Variants in KRT222 observed in about 807,000 individuals in gnomAD.
KRT222 encodes the protein keratin 222.
A neutral mutation model predicts 35.0 loss-of-function variants in KRT222; 23 were observed. The ratio of observed to expected loss-of-function variants is 0.66; its 90% CI spans 0.47 to 0.93. The LOEUF (loss-of-function observed/expected upper bound fraction) is 0.93. Ranked by LOEUF, KRT222 falls within the 40% of genes least tolerant of loss-of-function variation. The probability of loss-of-function intolerance (pLI) is 0.00; values close to 1 mark genes in which losing one functional copy is unlikely to be tolerated. For missense variants in KRT222, 339 were observed against 346.3 expected, an observed-to-expected ratio of 0.98 and a Z score of 0.17; for synonymous variants, 108 against 118.8, an observed-to-expected ratio of 0.91 and a Z score of 0.59.
At chr17:40,659,139 GTCTC>G (rs34880856) in intron 3 of KRT222, among the ~76,000 whole-genome samples, 1 of 71,050 alleles carries the variant, frequency 1.4e-5, no homozygotes, top group Non-Finnish European at 4.2e-5. Context: ...GTTAGGAAAG[GTCTC>G]TCTCTCTCTC....
At chr17:40,663,419 A>G (rs1469797894) in intron 1 of KRT222, among the ~76,000 whole-genome samples, 2 of 152,202 alleles carry the variant, frequency 1.3e-5, no homozygotes, top group African/African-American at 4.8e-5. Flanking sequence ...CCTTGGGCCA[A>G]TATGCAAGAA....
intron 3 of KRT222, among the ~76,000 whole-genome samples, chr17:40,658,242 C>A (rs2037358917): frequency 6.6e-6 from 1 of 150,774 alleles, no homozygotes; most frequent in Non-Finnish European, 1.5e-5. Flanking sequence ...TCAAGTGTAG[C>A]CTAATTTTTT....
Position 40,656,199 on chromosome 17 carries a change from C to CATAT in KRT222, c.*199_*202dup, listed in dbSNP as rs113120454. 22 of 422,030 alleles carry CATAT rather than the reference C, an allele frequency of 5.2e-5. No individual in the cohort carries two copies. The highest frequency in any genetic ancestry group is 1.8e-4 in the South Asian group (3 of 17,070). The allele number at this position is 422,030 out of a possible 1,614,324, so 26.1% of individuals were successfully genotyped here. A position where few individuals can be genotyped will look rare whatever the true frequency, so the allele number is the denominator to read the frequency against. On this transcript the variant is annotated 3_prime_UTR_variant, in exon 6 of 6. Coordinates refer to ENST00000394052, the MANE Select transcript of KRT222 (RefSeq NM_152349.3). ...TATTTTTAAGCTACTCCCTCTCATT[C>CATAT]ATATATATATATATATGTCTATCTC...
intron 1 of KRT222, among the ~76,000 whole-genome samples, chr17:40,663,590 T>C (rs777821628): frequency 3.3e-5 from 5 of 152,296 alleles, no homozygotes; most frequent in African/African-American, 7.2e-5. Flanking sequence ...CCCAAGACGA[T>C]TGAGGTCCCA....
At chr17:40,663,189 T>C (rs901952436) in intron 1 of KRT222, among the ~76,000 whole-genome samples, 12 of 152,212 alleles carry the variant, frequency 7.9e-5, no homozygotes, top group Admixed American at 4.6e-4. Flanking sequence ...CTTTCAAATA[T>C]GGAACTGGCA....
At chr17:40,660,442 G>A (rs1456380823) in intron 2 of KRT222, among the ~76,000 whole-genome samples, 1 of 151,960 alleles carries the variant, frequency 6.6e-6, no homozygotes, top group Non-Finnish European at 1.5e-5. Flanking sequence ...ACCACGCCCG[G>A]CTAATTTTTT....
intron 2 of KRT222, among the ~76,000 whole-genome samples, 169 bp from the exon 3 acceptor site, chr17:40,660,376 G>A (rs944290909): frequency 1.3e-5 from 2 of 151,498 alleles, no homozygotes; most frequent in African/African-American, 4.9e-5. Context: ...CACCTCCTGG[G>A]CTCAATGATT....
chr17:40,657,227 ATCACAGT>A, intron 5 of KRT222, 118 bp downstream of exon 5: 2 of 740,402 alleles, frequency 2.7e-6, no homozygotes, highest in Non-Finnish European at 3.8e-6. Context: ...AAAAAAAAAA[ATCACAGT>A]ATACTAAAAC....
rs548855112 is a variant in KRT222 at position 40,660,570 on chromosome 17, C to T, written c.226-363G>A. Reference sequence around the variant, plus strand: ...CTGGGATGACAGGCTTGAGCCACCGCGCCTGGCTGTCTTCATTCTATGTTC... The same window carrying T: ...CTGGGATGACAGGCTTGAGCCACCGTGCCTGGCTGTCTTCATTCTATGTTC... On this transcript the variant is annotated intron_variant, in intron 2 of 5. Transcript: ENST00000394052. Among the ~76,000 whole-genome samples the T allele has an allele frequency of 3.0e-4, 45 of 152,164 alleles. No homozygotes were observed. The South Asian group carries it at 8.9e-3, about 30-fold the overall frequency.
rs1257723930 is a variant in KRT222, at chr17:40,662,017, C to A, written c.124G>T (p.Asp42Tyr). 6.2e-7 allele frequency: 1 copy of A among 1,613,876 alleles called. No individual in the cohort carries two copies. Among genetic ancestry groups the A allele is most frequent in the African/African-American group, 1.3e-5 (1 of 74,880 alleles). The part of the protein sequence containing the change: ...QLEEDISKKM[D>Y]KDEEALKAAQ... ...GCCTTCAAAGCCTCTTCATCTTTGT[C>A]CATTTTTTTGCTTATGTCTTCTTCT... is the stretch of plus-strand genomic sequence containing the variant. Residue 42 changes from aspartate to tyrosine, a missense_variant, in exon 2 of 6, where the codon GAC becomes TAC. By Grantham distance (160) the Asp-to-Tyr change is radical. Transcript: ENST00000394052.
At chr17:40,661,571 T>G (rs1336539413) in intron 2 of KRT222, among the ~76,000 whole-genome samples, 1 of 152,202 alleles carries the variant, frequency 6.6e-6, no homozygotes, top group Non-Finnish European at 1.5e-5. Flanking sequence ...AGCCTAAATA[T>G]TTTTTATTCG....
intron 2 of KRT222, 136 bp downstream of exon 2, chr17:40,661,780 T>C: frequency 2.7e-6 from 3 of 1,121,492 alleles, no homozygotes; most frequent in Non-Finnish European, 3.8e-6. Context: ...GTAATTAAAC[T>C]AGGATCAGGG....
chr17:40,660,844 G>A (rs1441530982), intron 2 of KRT222, among the ~76,000 whole-genome samples: 2 of 151,250 alleles, frequency 1.3e-5, no homozygotes, highest in Non-Finnish European at 2.9e-5. Context: ...TTCAGAGGTA[G>A]GCTTTGTAAA....
rs145307964 is a variant in KRT222 at position 40,660,094 on chromosome 17, G to C, written c.339C>G (p.Arg113=). 2.5e-5 allele frequency: 40 copies of C among 1,614,050 alleles called. No homozygotes were observed. The highest frequency in any genetic ancestry group is 3.4e-5 in the Non-Finnish European group (40 of 1,180,000). The change falls in exon 3 of 6, where the codon CGC becomes CGG. Residue 113 remains arginine (R), a synonymous_variant. Transcript: ENST00000394052. ...GCTCTTGAAGCTGCTTTTCGATGCC[G>C]CGCCTTACTTCCTGTAGCTCTTTTT... ...GLEKELQEVR[R]GIEKQLQEHE... is the part of the protein sequence containing the mutation.
At chr17:40,659,863 G>C in intron 3 of KRT222, 124 bp downstream of exon 3, 1 of 780,060 alleles carries the variant, frequency 1.3e-6, no homozygotes, top group Non-Finnish European at 2.2e-6. Flanking sequence ...TTATTGTATG[G>C]GCTCAGTGAG....
chr17:40,657,719 CT>C lies in KRT222; in HGVS notation c.477del (p.Asp160ThrfsTer18). On this transcript the variant is annotated frameshift_variant, in exon 4 of 6. Transcript: ENST00000394052. LOFTEE classifies it high-confidence loss of function. ...ACTCTACTTGTGGTAGGCTTTTTGT[CT>C]TTTTTCCCACCTTGGATACAACCAT... ...RYYGCIQGGK[K>X]DKKPTTSRVG... 6.2e-7 allele frequency: 1 copy of C among 1,612,478 alleles called. No individual in the cohort carries two copies. Among genetic ancestry groups the C allele is most frequent in the Non-Finnish European group, 8.5e-7 (1 of 1,179,162 alleles).
intron 5 of KRT222, 73 bp from the exon 6 acceptor site, chr17:40,656,703 T>TTA: frequency 1.3e-6 from 1 of 764,986 alleles, no homozygotes; most frequent in Non-Finnish European, 2.1e-6. Context: ...ATATATTTCA[T>TTA]ATCTATGGAA....
Position 40,665,175 on chromosome 17 carries a change from C to CGCA in KRT222, c.-77_-76insTGC, listed in dbSNP as rs2037414331. On this transcript the variant is annotated 5_prime_UTR_variant, in exon 1 of 6. Coordinates refer to ENST00000394052, the MANE Select transcript of KRT222 (RefSeq NM_152349.3). ...TCGCTGCGGCAGTCTGCTCGGTCTG[C>CGCA]GCGGAAGGCAGGGAGCCTCGCAGAG... The CGCA allele has an allele frequency of 7.2e-7, 1 of 1,382,906 alleles. No individual in the cohort carries two copies. The highest frequency in any genetic ancestry group is 1.0e-6 in the Non-Finnish European group (1 of 976,430). 85.7% of individuals were successfully genotyped at this position (1,382,906 alleles called of 1,614,324 possible).
rs372900601 is a variant in KRT222 at position 40,660,469 on chromosome 17, C to T, written c.226-262G>A. The stretch of plus-strand genomic sequence containing the variant: ...TAATTTTTTGTATCTTTAGTAGAGG[C>T]GGGGTTTCATCATGTTGGCCAGGCT... On this transcript the variant is annotated intron_variant, in intron 2 of 5. Transcript: ENST00000394052. 2.8e-3 allele frequency among the ~76,000 whole-genome samples: 431 copies of T among 151,680 alleles called. 3 individuals are homozygous for T. The highest frequency in any genetic ancestry group is 0.02 in the Middle Eastern group (6 of 294).
Sources: gnomAD v4.1 joint callset for allele counts (sites outside exome capture counted in the v4.1 genomes callset) on GRCh38, gnomAD v4.1.1 for gene constraint, MANE v1.5 for transcripts, NCBI Gene and HGNC (gene_info 2026-07-23, HGNC 2026-07-21) for gene names.